The following CDK5RAP2 variants were observed in gnomAD, a reference collection of about 807,000 sequenced individuals.
CDK5RAP2 encodes the protein CDK5 regulatory subunit associated protein 2, also known as CDK5 regulatory subunit-associated protein 2.
A neutral mutation model predicts 232.9 loss-of-function variants in CDK5RAP2; 147 were observed. That is an observed-to-expected ratio of 0.63 (90% CI 0.55 to 0.72). The LOEUF (loss-of-function observed/expected upper bound fraction) is 0.72, where lower values mean the gene tolerates loss of function less well. Ranked by LOEUF, CDK5RAP2 falls within the 30% of genes least tolerant of loss-of-function variation. The pLI is 0.00. For synonymous variants in CDK5RAP2, 833 were observed against 833.7 expected, an observed-to-expected ratio of 1.00 and a Z score of 0.01; for missense variants, 2,195 against 2,231.5, an observed-to-expected ratio of 0.98 and a Z score of 0.33.
At chr9:120,477,681 T>C (rs1383516943) in intron 14 of CDK5RAP2, among the ~76,000 whole-genome samples, 1 of 152,142 alleles carries the variant, frequency 6.6e-6, no homozygotes, top group East Asian at 1.9e-4. Flanking sequence ...GAGCTTCCAA[T>C]ACTGCTTCCA....
chr9:120,569,677 G>GT (rs1229575632), intron 2 of CDK5RAP2, among the ~76,000 whole-genome samples: 1 of 152,166 alleles, frequency 6.6e-6, no homozygotes, highest in Non-Finnish European at 1.5e-5. Flanking sequence ...ACTGTATACG[G>GT]TTTTTAGGCT....
Position 120,471,785 on chromosome 9 carries a change from G to C in CDK5RAP2, c.1821C>G (p.Thr607=). Residue 607 remains threonine, a synonymous_variant, in exon 16 of 38, where the codon ACC becomes ACG. Transcript: ENST00000349780. Reference sequence around the variant, plus strand: ...GAATTTCGCTGATCTGCTCCTCCAAGGTCTTCCGCAAATTCTGATATGAAA... The same window carrying C: ...GAATTTCGCTGATCTGCTCCTCCAACGTCTTCCGCAAATTCTGATATGAAA... The part of the protein sequence containing the change: ...DVLSYQNLRK[T]LEEQISEIRR... 3 of 1,614,032 alleles carry C rather than the reference G, an allele frequency of 1.9e-6. No homozygotes were observed. Among genetic ancestry groups the C allele is most frequent in the Non-Finnish European group, 2.5e-6 (3 of 1,179,916 alleles).
At chr9:120,434,634 T>A (rs2035469214) in intron 25 of CDK5RAP2, among the ~76,000 whole-genome samples, 1 of 151,636 alleles carries the variant, frequency 6.6e-6, no homozygotes, top group African/African-American at 2.4e-5. Flanking sequence ...TGAGGACTGG[T>A]CAGGGATGGA....
chr9:120,428,866 C>T (rs940578284), intron 25 of CDK5RAP2, among the ~76,000 whole-genome samples: 3 of 152,194 alleles, frequency 2.0e-5, no homozygotes, highest in Non-Finnish European at 4.4e-5. Flanking sequence ...CAATAAAATA[C>T]TGGCAAACCG....
At chr9:120,409,379 T>C in intron 29 of CDK5RAP2, 63 bp from the exon 30 acceptor site, 8 of 1,124,008 alleles carry the variant, frequency 7.1e-6, no homozygotes, top group Non-Finnish European at 9.1e-6. Flanking sequence ...CCTTATTATA[T>C]AAATACAGCA....
intron 1 of CDK5RAP2, among the ~76,000 whole-genome samples, chr9:120,576,839 G>A (rs2043051207): frequency 6.6e-6 from 1 of 152,138 alleles, no homozygotes; most frequent in Non-Finnish European, 1.5e-5. Context: ...TCTTAGCAAG[G>A]CAGAAGCAGG....
At position 120,406,826 on chromosome 9, in the gene CDK5RAP2, C is replaced by T. The variant is rs535986806; in HGVS notation, c.4963+186G>A. The T allele has an allele frequency of 5.8e-4, 345 of 597,674 alleles. 3 individuals are homozygous for T. In the South Asian group the frequency reaches 6.8e-3, roughly 12 times the overall value. 37.0% of individuals were successfully genotyped at this position (597,674 alleles called of 1,614,324 possible). ...ATCAAGATGCCTCAGATGGAGATTA[C>T]GCCACTTTGCCCAAGGTGACCGCTA... On this transcript the variant is annotated intron_variant, in intron 32 of 37. Coordinates refer to ENST00000349780, the MANE Select transcript of CDK5RAP2 (RefSeq NM_018249.6).
At chr9:120,474,165 A>T (rs568551559) in intron 15 of CDK5RAP2, among the ~76,000 whole-genome samples, 1 of 152,334 alleles carries the variant, frequency 6.6e-6, no homozygotes, top group African/African-American at 2.4e-5. Context: ...TAAATGAGAT[A>T]TTACATGGGA....
intron 25 of CDK5RAP2, among the ~76,000 whole-genome samples, chr9:120,428,496 A>G (rs2035063169): frequency 6.6e-6 from 1 of 152,248 alleles, no homozygotes; most frequent in Admixed American, 6.5e-5. Context: ...CAAATAAACT[A>G]GAAAATCTAG....
chr9:120,524,103 T>C (rs894152366), intron 11 of CDK5RAP2, among the ~76,000 whole-genome samples: 1 of 152,186 alleles, frequency 6.6e-6, no homozygotes, highest in Non-Finnish European at 1.5e-5. Flanking sequence ...TGCAAGCTAC[T>C]AGAAACTTAA....
Position 120,403,824 on chromosome 9 carries a change from AC to A in CDK5RAP2, c.5041+211del, listed in dbSNP as rs1564173721. Among the ~76,000 whole-genome samples the A allele has an allele frequency of 6.6e-6, 1 of 152,140 alleles. No individual in the cohort carries two copies. The highest frequency in any genetic ancestry group is 1.5e-5 in the Non-Finnish European group (1 of 68,024). ...ACAATTTTAATCTAAGGCAAGAGGG[AC>A]CCAATGATGTTCTAACCTTGGTAAC... On this transcript the variant is annotated intron_variant, in intron 33 of 37. Coordinates refer to ENST00000349780, the MANE Select transcript of CDK5RAP2 (RefSeq NM_018249.6). This position sits in a 1 kb window ranked among gnomAD's most constrained non-coding sequence, Gnocchi z 4.2.
At chr9:120,394,257 A>G (rs1415950215) in intron 36 of CDK5RAP2, among the ~76,000 whole-genome samples, 1 of 152,156 alleles carries the variant, frequency 6.6e-6, no homozygotes, top group African/African-American at 2.4e-5. Context: ...GCATGTTCCC[A>G]TCACTGCACA....
intron 2 of CDK5RAP2, 64 bp from the exon 3 acceptor site, chr9:120,568,452 G>A (rs2042726468): frequency 1.8e-6 from 2 of 1,138,584 alleles, no homozygotes; most frequent in Admixed American, 3.4e-5. Flanking sequence ...TCCTATTGGG[G>A]AATAGAGCAC....
chr9:120,484,761 T>C (rs1415745148), intron 14 of CDK5RAP2, among the ~76,000 whole-genome samples: 2 of 152,022 alleles, frequency 1.3e-5, no homozygotes, highest in African/African-American at 4.8e-5. Flanking sequence ...TGGGGCTCAC[T>C]CTGTGACCCA....
At chr9:120,558,129 C>T (rs2042308243) in intron 3 of CDK5RAP2, among the ~76,000 whole-genome samples, 2 of 145,548 alleles carry the variant, frequency 1.4e-5, no homozygotes, top group Non-Finnish European at 3.0e-5. Context: ...AATCCCAGCA[C>T]TTTGGGAGGC....
chr9:120,489,834 T>C (rs1211609506), intron 13 of CDK5RAP2, among the ~76,000 whole-genome samples: 1 of 148,578 alleles, frequency 6.7e-6, no homozygotes, highest in Non-Finnish European at 1.5e-5. Flanking sequence ...TGAGAAGGAG[T>C]TTCACTCTTG....
intron 6 of CDK5RAP2, 55 bp downstream of exon 6, chr9:120,538,986 G>A: frequency 6.3e-7 from 1 of 1,582,792 alleles, no homozygotes; most frequent in South Asian, 1.1e-5. Context: ...AACTGTGCCA[G>A]CCTATTATTA....
intron 14 of CDK5RAP2, among the ~76,000 whole-genome samples, chr9:120,485,775 A>G (rs1018781801): frequency 6.6e-6 from 1 of 152,244 alleles, no homozygotes; most frequent in African/African-American, 2.4e-5. Flanking sequence ...AATGCTAGTT[A>G]GAATCACAAA....
chr9:120,518,200 TGTGTGTGTGTGA>T (rs1368493422), intron 12 of CDK5RAP2, among the ~76,000 whole-genome samples: 2 of 104,628 alleles, frequency 1.9e-5, no homozygotes, highest in Admixed American at 1.1e-4. Flanking sequence ...TGTGTGTGTG[TGTGTGTGTGTGA>T]GAGAGAGAGA....
Sources: gnomAD v4.1 joint callset for allele counts (sites outside exome capture counted in the v4.1 genomes callset) on GRCh38, gnomAD v4.1.1 for gene constraint, Gnocchi (gnomAD v3.1) non-coding constraint, MANE v1.5 for transcripts, NCBI Gene and HGNC (gene_info 2026-07-23, HGNC 2026-07-21) for gene names.